The following ROCK1 variants were observed in gnomAD, a reference collection of about 807,000 sequenced individuals.
ROCK1 encodes rho-associated protein kinase 1.
ROCK1 carries 36 observed loss-of-function variants against 196.8 expected under a neutral mutation model. The observed-to-expected ratio is 0.18, with a 90% CI of 0.14 to 0.24. The LOEUF (loss-of-function observed/expected upper bound fraction) is 0.24. Among genes scored for constraint, ROCK1 ranks in the 10% least tolerant of loss-of-function variants. The probability of loss-of-function intolerance (pLI) is 1.00; values close to 1 mark genes in which losing one functional copy is unlikely to be tolerated. For missense variants in ROCK1, 920 were observed against 1,562.0 expected (o/e 0.59, Z 6.93); for synonymous variants, 443 against 515.9 (o/e 0.86, Z 1.91).
intron 1 of ROCK1, among the ~76,000 whole-genome samples, chr18:21,106,004 A>G (rs917162493): frequency 3.3e-5 from 5 of 152,110 alleles, no homozygotes; most frequent in African/African-American, 1.2e-4. Context: ...AAAGACTAAC[A>G]CCAGAAATTT....
chr18:20,986,897 A>T, intron 19 of ROCK1, 53 bp downstream of exon 19: 2 of 1,457,830 alleles, frequency 1.4e-6, no homozygotes, highest in East Asian at 2.3e-5. Context: ...GTCATAACTT[A>T]TATAACCGTT....
At chr18:20,970,987 T>G (rs1378836907) in intron 22 of ROCK1, among the ~76,000 whole-genome samples, 1 of 152,142 alleles carries the variant, frequency 6.6e-6, no homozygotes, top group Non-Finnish European at 1.5e-5. Flanking sequence ...ACTAGTCCCT[T>G]CCAGCTCTGA....
intron 22 of ROCK1, among the ~76,000 whole-genome samples, chr18:20,979,688 G>C (rs2035512736): frequency 6.6e-6 from 1 of 151,890 alleles, no homozygotes; most frequent in Admixed American, 6.6e-5. Flanking sequence ...CCAACTTTTT[G>C]TCAGTTTAAT....
At chr18:21,087,735 T>C (rs1476821690) in intron 1 of ROCK1, among the ~76,000 whole-genome samples, 7 of 152,280 alleles carry the variant, frequency 4.6e-5, no homozygotes, top group Non-Finnish European at 7.4e-5. Flanking sequence ...AGTCGGCAAC[T>C]TGAATACTTC....
intron 1 of ROCK1, among the ~76,000 whole-genome samples, chr18:21,106,187 T>C (rs1351210889): frequency 7.9e-5 from 12 of 152,350 alleles, no homozygotes; most frequent in African/African-American, 2.2e-4. Context: ...GGAAAGGTCA[T>C]GTTCTTAACA....
At chr18:21,044,276 C>A in intron 5 of ROCK1, 90 bp from the exon 6 acceptor site, 1 of 881,480 alleles carries the variant, frequency 1.1e-6, no homozygotes, top group Non-Finnish European at 1.8e-6. Context: ...GTCAAGCATC[C>A]TCAATCTAGG....
chr18:21,100,225 T>C (rs1225543828), intron 1 of ROCK1, among the ~76,000 whole-genome samples: 1 of 151,618 alleles, frequency 6.6e-6, no homozygotes, highest in Non-Finnish European at 1.5e-5. Context: ...CTTTTTCTTC[T>C]TCTCAAAAAT....
At position 21,045,438 on chromosome 18, in the gene ROCK1, A is replaced by G. The variant is rs1237632630; in HGVS notation, c.444T>C (p.Tyr148=). 6 of 1,610,358 alleles carry G rather than the reference A, an allele frequency of 3.7e-6. No individual in the cohort carries two copies. In the African/African-American group the frequency reaches 8.0e-5, roughly 22 times the overall value. ...GCATGTATTCCATCACCATGTAGAG[A>G]TAACGATCATCTTGGAATGCATAAA... ...QLFYAFQDDR[Y]LYMVMEYMPG... Residue 148 remains tyrosine, a synonymous_variant, in exon 5 of 33, where the codon TAT becomes TAC. Coordinates refer to ENST00000399799, the MANE Select transcript of ROCK1 (RefSeq NM_005406.3).
At chr18:20,987,468 G>T (rs2035587331) in intron 18 of ROCK1, among the ~76,000 whole-genome samples, 1 of 152,248 alleles carries the variant, frequency 6.6e-6, no homozygotes, top group African/African-American at 2.4e-5. Context: ...GAAAAATAAG[G>T]CTGTGGTTAT....
In ROCK1 at chr18:21,111,751, G is replaced by C. The variant is rs2036756285; in HGVS notation, c.-841C>G. 2 of 152,434 alleles carry C rather than the reference G, an allele frequency of 1.3e-5. No homozygotes were observed. The highest frequency in any genetic ancestry group is 3.9e-4 in the East Asian group (2 of 5,178). 9.4% of individuals were successfully genotyped at this position (152,434 alleles called of 1,614,324 possible). ...AATGCCTGGGGGGTGGGGCGAGGGG[G>C]GCTGAGAGGGACTAATATGTCCGCC... is the stretch of plus-strand genomic sequence containing the variant. On this transcript the variant is annotated 5_prime_UTR_variant, in exon 1 of 33. Coordinates refer to ENST00000399799, the MANE Select transcript of ROCK1 (RefSeq NM_005406.3). This position sits in a 1 kb window ranked among gnomAD's most constrained non-coding sequence, Gnocchi z 4.2.
chr18:20,949,922 A>T lies in ROCK1; in HGVS notation c.*1462T>A, dbSNP rs1407333695. ...TTTCTCATTAAATGAGCACAGAGTC[A>T]TTAGTATATTAATAACAGATATGTT... On this transcript the variant is annotated 3_prime_UTR_variant, in exon 33 of 33. Transcript: ENST00000399799. 6.6e-6 allele frequency: 1 copy of T among 152,616 alleles called. No homozygotes were observed. The highest frequency in any genetic ancestry group is 6.5e-5 in the Admixed American group (1 of 15,280). The allele number at this position is 152,616 out of a possible 1,614,324, so 9.5% of individuals were successfully genotyped here.
At chr18:21,099,328 T>C (rs1267224166) in intron 1 of ROCK1, among the ~76,000 whole-genome samples, 2 of 152,242 alleles carry the variant, frequency 1.3e-5, no homozygotes, top group East Asian at 3.9e-4. Flanking sequence ...TTGCTTATAT[T>C]TATAAGAATA....
intron 16 of ROCK1, among the ~76,000 whole-genome samples, chr18:21,002,481 T>C (rs1166882717): frequency 1.3e-5 from 2 of 152,186 alleles, no homozygotes; most frequent in Non-Finnish European, 2.9e-5. Flanking sequence ...GGGAAATAAC[T>C]CACTGTTCCA....
chr18:21,031,521 C>T (rs530100243), intron 9 of ROCK1, among the ~76,000 whole-genome samples: 5 of 146,684 alleles, frequency 3.4e-5, no homozygotes, highest in East Asian at 4.2e-4. Flanking sequence ...AGGAGAATGG[C>T]GTGAACCCAG....
intron 27 of ROCK1, among the ~76,000 whole-genome samples, chr18:20,962,076 T>G (rs72879407): frequency 6.6e-6 from 1 of 152,154 alleles, no homozygotes; most frequent in Non-Finnish European, 1.5e-5. Context: ...TTGACAGATA[T>G]TTGTTGATTA....
chr18:21,009,152 C>T (rs2035793701), intron 13 of ROCK1, among the ~76,000 whole-genome samples: 4 of 142,470 alleles, frequency 2.8e-5, no homozygotes, highest in Admixed American at 1.4e-4. Flanking sequence ...CAATATATGA[C>T]TTTTTGAGAC....
At chr18:21,081,531 A>G (rs985747987) in intron 1 of ROCK1, among the ~76,000 whole-genome samples, 16 of 152,194 alleles carry the variant, frequency 1.1e-4, no homozygotes, top group African/African-American at 3.9e-4. Flanking sequence ...GTGAAGATAA[A>G]TAAAACACAG....
chr18:20,977,214 A>C (rs753359891), intron 22 of ROCK1, among the ~76,000 whole-genome samples: 86 of 152,162 alleles, frequency 5.7e-4, no homozygotes, highest in Non-Finnish European at 3.8e-4. Flanking sequence ...TTATTCTCTG[A>C]AAGTCCCTGA....
At chr18:20,980,042 G>A (rs1479930383) in intron 21 of ROCK1, 38 bp from the exon 22 acceptor site, 1 of 1,482,088 alleles carries the variant, frequency 6.7e-7, no homozygotes, top group Non-Finnish European at 8.9e-7. Context: ...AGTGTTTATG[G>A]TGGGTTAAAA....
Sources: allele counts gnomAD v4.1 joint callset (sites outside exome capture counted in the v4.1 genomes callset), GRCh38; gene constraint gnomAD v4.1.1; non-coding constraint Gnocchi (gnomAD v3.1); transcripts MANE v1.5; gene names NCBI Gene and HGNC (gene_info 2026-07-23, HGNC 2026-07-21).